The following AEN variants were observed in gnomAD, a reference collection of about 807,000 sequenced individuals.
The protein encoded by AEN is apoptosis enhancing nuclease.
A neutral mutation model predicts 17.7 loss-of-function variants in AEN; 21 were observed. The observed-to-expected ratio is 1.19, with a 90% CI of 0.84 to 1.71. The LOEUF is 1.71. AEN is among the 40% of genes most tolerant of loss of function. The pLI, the probability that AEN is intolerant of heterozygous loss-of-function variation, is 0.00. For missense variants in AEN, 462 were observed against 435.9 expected (o/e 1.06, Z -0.53); for synonymous variants, 190 against 173.0 (o/e 1.10, Z -0.77).
the AEN span, among the ~76,000 whole-genome samples, chr15:88,616,006 A>T: frequency 8.5e-5 from 13 of 152,118 alleles, no homozygotes; most frequent in African/African-American, 3.1e-4. Context: ...TTGAAGTCAG[A>T]GCTTGGATCA....
chr15:88,610,735 A>C, the AEN span, among the ~76,000 whole-genome samples: 1 of 152,332 alleles, frequency 6.6e-6, no homozygotes, highest in Admixed American at 6.5e-5. Context: ...GCTCACAATT[A>C]AAAAGAGAAA....
rs1391781885 is a variant in AEN at position 88,630,090 on chromosome 15, T to C, written c.774T>C (p.Asp258=). Reference sequence around the variant, plus strand: ...AGCACGGGCACTCATCAGTAGAAGATGCCACGACAGCCATGGAGCTCTACC... The same window carrying C: ...AGCACGGGCACTCATCAGTAGAAGACGCCACGACAGCCATGGAGCTCTACC... ...VGQHGHSSVE[D]ATTAMELYRL... is the part of the protein sequence containing the mutation. The change falls in exon 4 of 4, where the codon GAT becomes GAC. Residue 258 remains aspartate, a synonymous_variant. Transcript: ENST00000332810. The surrounding 1 kb of genome is among the most constrained non-coding windows in gnomAD (Gnocchi z 5.1). 2.5e-6 allele frequency: 4 copies of C among 1,614,044 alleles called. No homozygotes were observed. The highest frequency in any genetic ancestry group is 4.5e-5 in the East Asian group (2 of 44,876).
intron 1 of AEN, among the ~76,000 whole-genome samples, chr15:88,624,605 C>T (rs762196902): frequency 7.2e-5 from 11 of 152,100 alleles, no homozygotes; most frequent in African/African-American, 1.2e-4. Context: ...TGAGTTAGGC[C>T]GAATATGGTG....
upstream of AEN, among the ~76,000 whole-genome samples, chr15:88,616,508 G>A (rs773105748): frequency 6.6e-6 from 1 of 152,178 alleles, no homozygotes; most frequent in Non-Finnish European, 1.5e-5. Flanking sequence ...AGAAGTTGGA[G>A]GGTGAGTTTA....
At chr15:88,629,577 C>T (rs2057901422) in intron 3 of AEN, 151 bp downstream of exon 3, 1 of 841,830 alleles carries the variant, frequency 1.2e-6, no homozygotes, top group South Asian at 1.8e-5. Context: ...ATGGGTCTCC[C>T]TCCTGTACAC....
chr15:88,629,547 G>C, intron 3 of AEN, 121 bp downstream of exon 3: 1 of 1,242,112 alleles, frequency 8.1e-7, no homozygotes, highest in Non-Finnish European at 1.1e-6. Flanking sequence ...CCCTAGTCCA[G>C]GTCCAGGGAC....
chr15:88,608,065 G>A, the AEN span: 13 of 501,534 alleles, frequency 2.6e-5, no homozygotes, highest in African/African-American at 5.9e-5. Context: ...TTTTCTTTAT[G>A]GACAAAGGGT....
chr15:88,628,983 C>T (rs2057889905), intron 2 of AEN: 1 of 505,160 alleles, frequency 2.0e-6, no homozygotes, highest in Admixed American at 3.6e-5. Flanking sequence ...CGGAATGCTG[C>T]TGGCAGTGTT....
the AEN span, chr15:88,611,963 C>A: frequency 1.1e-5 from 5 of 466,012 alleles, no homozygotes; most frequent in Admixed American, 2.6e-5. Flanking sequence ...GGGCAGCCCC[C>A]CTTTTTGGCT....
the AEN span, among the ~76,000 whole-genome samples, chr15:88,609,695 T>C: frequency 6.6e-6 from 1 of 152,228 alleles, no homozygotes; most frequent in Admixed American, 6.5e-5. Flanking sequence ...CAGCAGCCTC[T>C]TTTATTGCTT....
At chr15:88,615,583 G>T in the AEN span, among the ~76,000 whole-genome samples, 1 of 152,064 alleles carries the variant, frequency 6.6e-6, no homozygotes, top group South Asian at 2.1e-4. Flanking sequence ...CATGCCTCAG[G>T]ATTAGCTATT....
the AEN span, among the ~76,000 whole-genome samples, chr15:88,606,695 G>A: frequency 2.6e-5 from 4 of 152,234 alleles, no homozygotes; most frequent in Non-Finnish European, 5.9e-5. Context: ...CCTTGTCTGG[G>A]CTAGGTGAGA....
upstream of AEN, among the ~76,000 whole-genome samples, chr15:88,620,517 C>T (rs1392960281): frequency 6.6e-6 from 1 of 151,972 alleles, no homozygotes; most frequent in East Asian, 1.9e-4. Context: ...TGGGCTCAAG[C>T]GATTCTCCTG....
In AEN at chr15:88,626,483, C is replaced by G. The variant is rs779412909; in HGVS notation, c.274C>G (p.Pro92Ala). 8 of 1,613,930 alleles carry G rather than the reference C, an allele frequency of 5.0e-6. No individual in the cohort carries two copies. In the South Asian group the frequency reaches 8.8e-5, roughly 18 times the overall value. The change falls in exon 2 of 4, where the codon CCA becomes GCA. Residue 92 changes from proline to alanine, a missense_variant. Transcript: ENST00000332810. ...QCLRAGSGSA[P>A]CSRRPAPGKA... ...TCTGAGGGCTGGATCTGGCAGTGCC[C>G]CATGCAGCAGAAGGCCTGCTCCCGG...
chr15:88,614,333 G>A, the AEN span, among the ~76,000 whole-genome samples: 1 of 151,924 alleles, frequency 6.6e-6, no homozygotes, highest in Non-Finnish European at 1.5e-5. Flanking sequence ...CCGATCAGAT[G>A]AGACTACAGA....
At chr15:88,614,447 C>A in the AEN span, among the ~76,000 whole-genome samples, 1 of 152,264 alleles carries the variant, frequency 6.6e-6, no homozygotes, top group South Asian at 2.1e-4. Context: ...GTGATCCTAC[C>A]ACCTTGGCTT....
At chr15:88,620,422 T>C (rs148468563), upstream of AEN, among the ~76,000 whole-genome samples, 540 of 148,304 alleles carry the variant, frequency 3.6e-3, 3 homozygotes, top group African/African-American at 0.012. Flanking sequence ...TTCTTTCTTT[T>C]TTTTTGAGAC....
the AEN span, among the ~76,000 whole-genome samples, chr15:88,615,221 A>C: frequency 6.6e-6 from 1 of 152,112 alleles, no homozygotes; most frequent in Non-Finnish European, 1.5e-5. Flanking sequence ...CACTGAATGA[A>C]GGATTAATTT....
Position 88,631,014 on chromosome 15 carries a change from C to T in AEN, c.*720C>T. The T allele has an allele frequency of 2.4e-6, 1 of 424,834 alleles. No individual in the cohort carries two copies. The highest frequency in any genetic ancestry group is 4.9e-6 in the Non-Finnish European group (1 of 204,080). 26.3% of individuals were successfully genotyped at this position (424,834 alleles called of 1,614,324 possible). On this transcript the variant is annotated 3_prime_UTR_variant, in exon 4 of 4. Coordinates refer to ENST00000332810, the MANE Select transcript of AEN (RefSeq NM_022767.4). Reference sequence around the variant, plus strand: ...AACATTTCTTGGCAACAGAAAGCCCCAGGCACAGCTCAGGGAGGAGGGAAG... The same window carrying T: ...AACATTTCTTGGCAACAGAAAGCCCTAGGCACAGCTCAGGGAGGAGGGAAG...
Sources: gnomAD v4.1 joint callset for allele counts (sites outside exome capture counted in the v4.1 genomes callset) on GRCh38, gnomAD v4.1.1 for gene constraint, Gnocchi (gnomAD v3.1) non-coding constraint, MANE v1.5 for transcripts, NCBI Gene and HGNC (gene_info 2026-07-23, HGNC 2026-07-21) for gene names.